The following TATDN2 variants were observed in gnomAD, a reference collection of about 807,000 sequenced individuals.
TATDN2 encodes TatD DNase domain containing 2.
Under a neutral mutation model 60.3 loss-of-function variants are expected in TATDN2, and 44 were observed. The observed-to-expected ratio is 0.73, with a 90% confidence interval of 0.57 to 0.94. TATDN2 has a LOEUF of 0.94. Among genes scored for constraint, TATDN2 ranks in the 40% least tolerant of loss-of-function variants. The pLI is 0.00. For missense variants in TATDN2, 997 were observed against 948.0 expected (o/e 1.05, Z -0.68); for synonymous variants, 399 against 355.8 (o/e 1.12, Z -1.37).
chr3:10,249,020 C>A lies in TATDN2; in HGVS notation c.-54C>A. On this transcript the variant is annotated 5_prime_UTR_variant, in exon 1 of 8. Transcript: ENST00000448281. ...TGACTTCTCCAACACGGTTTGGCAT[C>A]TCTGAAACCTTGAGAACTGTGATGG... The A allele has an allele frequency of 1.5e-6, 1 of 653,032 alleles. No homozygotes were observed. The highest frequency in any genetic ancestry group is 2.2e-6 in the Non-Finnish European group (1 of 448,326). The allele number at this position is 653,032 out of a possible 1,614,324, so 40.5% of individuals were successfully genotyped here.
intron 3 of TATDN2, among the ~76,000 whole-genome samples, chr3:10,267,340 T>A (rs1347856038): frequency 6.6e-6 from 1 of 152,160 alleles, no homozygotes; most frequent in African/African-American, 2.4e-5. Context: ...AGGATTTAGA[T>A]GACATAATTA....
rs748553103 is a variant in TATDN2 at position 10,270,685 on chromosome 3, C to T, written c.1503C>T (p.His501=). ...AGGGCTTCATTGACACTCATTGTCA[C>T]CTGGACATGCTCTATTCCAAGCTAT... ...LEEGFIDTHC[H]LDMLYSKLSF... Residue 501 remains histidine (H), a synonymous_variant, in exon 4 of 8, where the codon CAC becomes CAT. Transcript: ENST00000448281. 11 of 1,614,198 alleles carry T rather than the reference C, an allele frequency of 6.8e-6. No individual in the cohort carries two copies. The highest frequency in any genetic ancestry group is 9.3e-6 in the Non-Finnish European group (11 of 1,180,034).
At position 10,276,422 on chromosome 3, in the gene TATDN2, G is replaced by A. The variant is rs760916206; in HGVS notation, c.1895G>A (p.Arg632Gln). 17 of 1,613,800 alleles carry A rather than the reference G, an allele frequency of 1.1e-5. No homozygotes were observed. Among genetic ancestry groups the A allele is most frequent in the Non-Finnish European group, 1.4e-5 (17 of 1,179,954 alleles). ...SLKKPLVIHC[R>Q]EADEDLLEIM... ...AAGAAGCCCTTGGTGATCCACTGCC[G>A]AGAAGCTGATGAAGATCTGCTAGAA... is the stretch of plus-strand genomic sequence containing the variant. The change falls in exon 5 of 8, where the codon CGA (arginine) becomes CAA (glutamine). Residue 632 changes from arginine to glutamine, a missense_variant. Physicochemically the swap from Arg to Gln is conservative, Grantham distance 43. Coordinates refer to ENST00000448281, the MANE Select transcript of TATDN2 (RefSeq NM_014760.4).
At chr3:10,253,354 A>T (rs532927719) in intron 2 of TATDN2, among the ~76,000 whole-genome samples, 3 of 152,204 alleles carry the variant, frequency 2.0e-5, no homozygotes, top group South Asian at 4.2e-4. Flanking sequence ...TTCTCCCACC[A>T]GCCTTTAACA....
At chr3:10,254,131 G>A (rs2125171719) in intron 2 of TATDN2, among the ~76,000 whole-genome samples, 1 of 152,322 alleles carries the variant, frequency 6.6e-6, no homozygotes, top group African/African-American at 2.4e-5. Context: ...CATGTCTAGT[G>A]CACACGTGGA....
At position 10,270,510 on chromosome 3, in the gene TATDN2, A is replaced by C; in HGVS notation, c.1328A>C (p.Gln443Pro). Residue 443 changes from glutamine to proline, a missense_variant, in exon 4 of 8, where the codon CAG becomes CCG. Gln to Pro is a moderately conservative substitution (Grantham distance 76). Coordinates refer to ENST00000448281, the MANE Select transcript of TATDN2 (RefSeq NM_014760.4). The part of the protein sequence containing the change: ...DMEASEEGWS[Q>P]NSRSFRFSRS... Reference sequence around the variant, plus strand: ...GAGGCCTCAGAGGAAGGCTGGTCCCAGAATTCTCGTTCATTTCGCTTCTCC... The same window carrying C: ...GAGGCCTCAGAGGAAGGCTGGTCCCCGAATTCTCGTTCATTTCGCTTCTCC... The C allele has an allele frequency of 6.2e-7, 1 of 1,614,252 alleles. No homozygotes were observed. Among genetic ancestry groups the C allele is most frequent in the South Asian group, 1.1e-5 (1 of 91,086 alleles).
chr3:10,248,732 G>A lies in TATDN2; in HGVS notation c.-342G>A, dbSNP rs1220006200. The A allele has an allele frequency of 1.3e-5, 2 of 152,346 alleles. No individual in the cohort carries two copies. The allele number at this position is 152,346 out of a possible 1,614,324, so 9.4% of individuals were successfully genotyped here. ...AGGGCGGGCTGCGGCGCCCGGGTCT[G>A]GCCCTGGCCTACGGGCTAAGCGCCC... On this transcript the variant is annotated 5_prime_UTR_variant, in exon 1 of 8. Transcript: ENST00000448281.
At chr3:10,263,240 A>G (rs1698433176) in intron 3 of TATDN2, among the ~76,000 whole-genome samples, 1 of 150,418 alleles carries the variant, frequency 6.6e-6, no homozygotes, top group African/African-American at 2.5e-5. Context: ...CTTGTAGAAT[A>G]TATTTTGATC....
Position 10,281,094 on chromosome 3 carries a change from G to C in TATDN2, c.*1912G>C, listed in dbSNP as rs1698733315. 1 of 152,212 alleles carries C rather than the reference G, an allele frequency of 6.6e-6. No homozygotes were observed. The highest frequency in any genetic ancestry group is 1.5e-5 in the Non-Finnish European group (1 of 68,040). 9.4% of individuals were successfully genotyped at this position (152,212 alleles called of 1,614,324 possible). On this transcript the variant is annotated 3_prime_UTR_variant, in exon 8 of 8. Transcript: ENST00000448281. ...CCTGTGTGGGCGTGAAAGCTGATTG[G>C]CATTGTTTTTGATTCAGCTTTTTGG...
chr3:10,275,258 T>C (rs892814241), intron 4 of TATDN2, among the ~76,000 whole-genome samples: 1 of 151,668 alleles, frequency 6.6e-6, no homozygotes. Flanking sequence ...GGATTACAGG[T>C]GTGAGCCACC....
At chr3:10,277,250 A>G (rs1176713593) in intron 5 of TATDN2, among the ~76,000 whole-genome samples, 4 of 152,198 alleles carry the variant, frequency 2.6e-5, no homozygotes, top group African/African-American at 9.6e-5. Flanking sequence ...AATGGCATCT[A>G]TGGGTGCTTA....
At chr3:10,254,067 G>T (rs1698268282) in intron 2 of TATDN2, among the ~76,000 whole-genome samples, 1 of 152,240 alleles carries the variant, frequency 6.6e-6, no homozygotes, top group Admixed American at 6.5e-5. Context: ...GGGTATTGAG[G>T]CTCTTGAGTG....
In TATDN2 at chr3:10,256,475, CTTG is replaced by C. The variant is rs1481634948; in HGVS notation, c.415-3659_415-3657del. On this transcript the variant is annotated intron_variant, in intron 2 of 7. Transcript: ENST00000448281. The stretch of plus-strand genomic sequence containing the variant: ...GCAGGCATGAGCCACCACACCCAGC[CTTG>C]TTTTTTTTTTTATTGAACGCTAAAC... Among the ~76,000 whole-genome samples the C allele has an allele frequency of 2.0e-5, 3 of 149,748 alleles. No homozygotes were observed. In the East Asian group the frequency reaches 6.3e-4, roughly 31 times the overall value.
intron 5 of TATDN2, 103 bp downstream of exon 5, chr3:10,276,591 CTT>C (rs796762547): frequency 8.6e-3 from 9,173 of 1,071,534 alleles, no homozygotes; most frequent in East Asian, 0.015. Flanking sequence ...ACTATCTATT[CTT>C]TTTTTTTTTT....
chr3:10,267,968 G>T (rs1010811889), intron 3 of TATDN2, among the ~76,000 whole-genome samples: 4 of 152,096 alleles, frequency 2.6e-5, no homozygotes, highest in Non-Finnish European at 5.9e-5. Context: ...CTGGGTTGAT[G>T]GAAATTTTCT....
In TATDN2 at chr3:10,279,087, T is replaced by G. The variant is rs188915876; in HGVS notation, c.*38+24T>G. The G allele has an allele frequency of 9.1e-4, 1,436 of 1,572,440 alleles. 10 individuals carry two copies. In the African/African-American group the frequency reaches 0.018, roughly 20 times the overall value. Reference sequence around the variant, plus strand: ...AGGTCGTAAAACTCACATTCTGTATTTTTTAAAAACCAGGACAAGTCTTTT... The same window carrying G: ...AGGTCGTAAAACTCACATTCTGTATGTTTTAAAAACCAGGACAAGTCTTTT... On this transcript the variant is annotated intron_variant, in intron 7 of 7. Coordinates refer to ENST00000448281, the MANE Select transcript of TATDN2 (RefSeq NM_014760.4).
In TATDN2 at chr3:10,248,556, G is replaced by C. The variant is rs1039824977; in HGVS notation, c.-518G>C. On this transcript the variant is annotated 5_prime_UTR_variant, in exon 1 of 8. Coordinates refer to ENST00000448281, the MANE Select transcript of TATDN2 (RefSeq NM_014760.4). ...TTCGGGCGGAGGCCGGGCCAGGCGG[G>C]GCTGTAGGGCTGGGGCAGGCGGCGG... 3.9e-5 allele frequency: 6 copies of C among 151,998 alleles called. No individual in the cohort carries two copies. The highest frequency in any genetic ancestry group is 8.8e-5 in the Non-Finnish European group (6 of 68,062). The allele number at this position is 151,998 out of a possible 1,614,324, so 9.4% of individuals were successfully genotyped here.
Position 10,260,775 on chromosome 3 carries a change from T to C in TATDN2, c.948+105T>C, listed in dbSNP as rs894418311. The C allele has an allele frequency of 5.2e-6, 7 of 1,356,036 alleles. No individual in the cohort carries two copies. In the Admixed American group the frequency reaches 7.3e-5, roughly 14 times the overall value. 84.0% of individuals were successfully genotyped at this position (1,356,036 alleles called of 1,614,324 possible). A position where few individuals can be genotyped will look rare whatever the true frequency, so the allele number is the denominator to read the frequency against. On this transcript the variant is annotated intron_variant, in intron 3 of 7. Transcript: ENST00000448281. The stretch of plus-strand genomic sequence containing the variant: ...GTGTTACTAATTAAAAATAGTACTT[T>C]ACTTAACCAGGCCTCCAGGGAACAA...
At chr3:10,267,273 C>CAAAAAA (rs71626970) in intron 3 of TATDN2, among the ~76,000 whole-genome samples, 1 of 138,404 alleles carries the variant, frequency 7.2e-6, no homozygotes. Flanking sequence ...CACCCCCCGA[C>CAAAAAA]AAAAAAAAAA....
Sources: allele counts gnomAD v4.1 joint callset (sites outside exome capture counted in the v4.1 genomes callset), GRCh38; gene constraint gnomAD v4.1.1; transcripts MANE v1.5; gene names NCBI Gene and HGNC (gene_info 2026-07-23, HGNC 2026-07-21).